SIN3B: variants seen among roughly 807,000 people sequenced by gnomAD.
SIN3B encodes the protein SIN3 transcription regulator family member B.
SIN3B carries 19 observed loss-of-function variants against 120.2 expected under a neutral mutation model. The observed-to-expected ratio is 0.16, with a 90% confidence interval of 0.11 to 0.23. The LOEUF (loss-of-function observed/expected upper bound fraction) is 0.23. Ranked by LOEUF, SIN3B falls within the 10% of genes least tolerant of loss-of-function variation. The pLI, the probability that SIN3B is intolerant of heterozygous loss-of-function variation, is 1.00. For missense variants in SIN3B, 1,073 were observed against 1,573.0 expected (o/e 0.68, Z 5.38); for synonymous variants, 654 against 653.2 (o/e 1.00, Z -0.02).
At chr19:16,875,635 C>T (rs2051588743) in intron 14 of SIN3B, among the ~76,000 whole-genome samples, 3 of 135,010 alleles carry the variant, frequency 2.2e-5, no homozygotes, top group Admixed American at 7.7e-5. Context: ...CTGGTCTGGT[C>T]TGGTCTGTTT....
At chr19:16,846,909 C>T (rs993917175) in intron 4 of SIN3B, 61 bp from the exon 5 acceptor site, 16 of 1,554,992 alleles carry the variant, frequency 1.0e-5, no homozygotes, top group African/African-American at 9.5e-5. Context: ...CTGAGTGTCC[C>T]GGCCCAGGGC....
intron 3 of SIN3B, among the ~76,000 whole-genome samples, chr19:16,838,973 T>TC (rs1311422027): frequency 1.4e-5 from 2 of 146,490 alleles, no homozygotes; most frequent in Admixed American, 6.8e-5. Context: ...CGCCTGGCTT[T>TC]TTTTTTTTTT....
chr19:16,860,268 G>A (rs1971668449), intron 8 of SIN3B, among the ~76,000 whole-genome samples: 1 of 152,214 alleles, frequency 6.6e-6, no homozygotes, highest in Non-Finnish European at 1.5e-5. Flanking sequence ...GGGCTGGGCA[G>A]CTGAACACGG....
At chr19:16,841,636 T>G in intron 3 of SIN3B, 132 bp from the exon 4 acceptor site, 3 of 826,058 alleles carry the variant, frequency 3.6e-6, no homozygotes, top group Non-Finnish European at 5.8e-6. Context: ...AAGTAACCTT[T>G]CCCTGTCTCT....
rs141051908 is a variant in SIN3B, at chr19:16,866,538, C to T, written c.1788C>T (p.Ile596=). The change falls in exon 12 of 19, where the codon ATC becomes ATT. Residue 596 remains isoleucine (I), a synonymous_variant. Transcript: ENST00000248054. Reference sequence around the variant, plus strand: ...GCTCCAAGAGCTTGCTCAACGAGATCGAGAGCGTCTACGACGAGGTAAAGC... The same window carrying T: ...GCTCCAAGAGCTTGCTCAACGAGATTGAGAGCGTCTACGACGAGGTAAAGC... ...ALRSKSLLNE[I]ESVYDEHQEQ... is the part of the protein sequence containing the mutation. The T allele has an allele frequency of 5.4e-5, 87 of 1,613,710 alleles. No individual in the cohort carries two copies. Among genetic ancestry groups the T allele is most frequent in the Admixed American group, 3.7e-4 (22 of 59,992 alleles).
rs760026073 is a variant in SIN3B, at chr19:16,865,551, C to T, written c.1525C>T (p.Arg509Cys). Residue 509 changes from arginine to cysteine, a missense_variant, in exon 11 of 19, where the codon CGC becomes TGC. This residue lies in a region of SIN3B where 118 missense variants were observed against 281.6 expected (regional missense o/e 0.42). Coordinates refer to ENST00000248054, the MANE Select transcript of SIN3B (RefSeq NM_001297595.2). ...GGGAGGCACGTCGGAGGTGATCCAG[C>T]GCCGTGCCATTTATCGCATCTATGG... ...SLGGTSEVIQ[R>C]RAIYRIYGDK... The T allele has an allele frequency of 3.1e-6, 5 of 1,613,768 alleles. No individual in the cohort carries two copies. Among genetic ancestry groups the T allele is most frequent in the African/African-American group, 1.3e-5 (1 of 75,014 alleles).
intron 8 of SIN3B, among the ~76,000 whole-genome samples, chr19:16,857,350 A>G (rs1044181616): frequency 2.6e-5 from 4 of 152,114 alleles, no homozygotes; most frequent in African/African-American, 9.7e-5. Context: ...TTACTTTCAC[A>G]TTGAAAATCA....
At position 16,867,054 on chromosome 19, in the gene SIN3B, C is replaced by T. The variant is rs148029128; in HGVS notation, c.1806+498C>T. 5.3e-5 allele frequency among the ~76,000 whole-genome samples: 8 copies of T among 152,312 alleles called. No individual in the cohort carries two copies. The East Asian group carries it at 1.2e-3, about 22-fold the overall frequency. On this transcript the variant is annotated intron_variant, in intron 12 of 18. Coordinates refer to ENST00000248054, the MANE Select transcript of SIN3B (RefSeq NM_001297595.2). ...ACATGCGTAAGCCACCGCTCCTGGC[C>T]GACTCTGCCATTGTCTAGCGAAGTC...
At chr19:16,871,662 C>T (rs2051513441) in intron 14 of SIN3B, 1 of 409,618 alleles carries the variant, frequency 2.4e-6, no homozygotes. Context: ...ACCCCATCCC[C>T]ATCAGCAGCC....
chr19:16,832,283 C>T (rs1322018759), intron 3 of SIN3B, among the ~76,000 whole-genome samples: 2 of 149,904 alleles, frequency 1.3e-5, no homozygotes, highest in African/African-American at 2.5e-5. Flanking sequence ...GTGCAACCTC[C>T]GCCTCCCAGG....
At chr19:16,850,348 T>C (rs1210722229) in intron 5 of SIN3B, among the ~76,000 whole-genome samples, 2 of 152,192 alleles carry the variant, frequency 1.3e-5, no homozygotes, top group African/African-American at 4.8e-5. Context: ...TGTATATCTT[T>C]CCAGAAATTT....
chr19:16,863,879 T>C (rs1971724124), intron 10 of SIN3B, 83 bp downstream of exon 10: 1 of 937,416 alleles, frequency 1.1e-6, no homozygotes, highest in African/African-American at 1.6e-5. Flanking sequence ...CCTCCTCCAC[T>C]GCCCCAGTCT....
chr19:16,854,749 G>A (rs1221015004), intron 8 of SIN3B: 2 of 152,770 alleles, frequency 1.3e-5, no homozygotes, highest in Non-Finnish European at 2.9e-5. Context: ...TCCAGGGTGG[G>A]TGCCCCACTG....
At chr19:16,866,676 C>A in intron 12 of SIN3B, 120 bp downstream of exon 12, 2 of 986,506 alleles carry the variant, frequency 2.0e-6, no homozygotes, top group Non-Finnish European at 3.0e-6. Flanking sequence ...CCTTTCAGGG[C>A]TGTGTTGAGG....
intron 5 of SIN3B, among the ~76,000 whole-genome samples, chr19:16,849,187 A>G (rs955248409): frequency 5.9e-5 from 9 of 152,222 alleles, no homozygotes; most frequent in Admixed American, 5.2e-4. Context: ...GGAAAAAGAA[A>G]CCAAGATGAA....
Position 16,869,404 on chromosome 19 carries a change from G to T in SIN3B, c.1807-56G>T, listed in dbSNP as rs2051474411. Reference sequence around the variant, plus strand: ...AACAGCGAGTCGTGAATGGGCACTGGGGGTCCTCTGGGTGCTGGGTGGCTT... The same window carrying T: ...AACAGCGAGTCGTGAATGGGCACTGTGGGTCCTCTGGGTGCTGGGTGGCTT... On this transcript the variant is annotated intron_variant, in intron 12 of 18. Transcript: ENST00000248054. 5 of 1,520,794 alleles carry T rather than the reference G, an allele frequency of 3.3e-6. No homozygotes were observed. The Admixed American group carries it at 9.8e-5, about 30-fold the overall frequency. The allele number at this position is 1,520,794 out of a possible 1,614,324, so 94.2% of individuals were successfully genotyped here.
At chr19:16,851,271 C>T (rs1347276098) in intron 5 of SIN3B, 141 bp from the exon 6 acceptor site, 10 of 895,714 alleles carry the variant, frequency 1.1e-5, no homozygotes, top group Non-Finnish European at 1.6e-5. Context: ...TCACCTCACG[C>T]ATGGACGGAG....
chr19:16,833,261 A>G (rs1277514456), intron 3 of SIN3B, among the ~76,000 whole-genome samples: 1 of 152,200 alleles, frequency 6.6e-6, no homozygotes, highest in African/African-American at 2.4e-5. Context: ...GACACTCCGC[A>G]GTCAGTTGGA....
intron 10 of SIN3B, 54 bp downstream of exon 10, chr19:16,863,850 A>C: frequency 6.4e-6 from 8 of 1,254,438 alleles, no homozygotes; most frequent in African/African-American, 1.5e-5. Flanking sequence ...CCCCTTCTCC[A>C]TGGGACATGC....
Sources: gnomAD v4.1 joint callset for allele counts (sites outside exome capture counted in the v4.1 genomes callset) on GRCh38, gnomAD v4.1.1 for gene constraint, gnomAD v4.1.1 regional missense constraint, MANE v1.5 for transcripts, NCBI Gene and HGNC (gene_info 2026-07-23, HGNC 2026-07-21) for gene names.